Variants in SLC35F1 observed in about 807,000 individuals in gnomAD.
SLC35F1 encodes the protein chromosome 6 open reading frame 169.
SLC35F1 carries 14 observed loss-of-function variants against 48.7 expected under a neutral mutation model. The observed-to-expected ratio is 0.29, with a 90% CI of 0.19 to 0.45. The LOEUF (loss-of-function observed/expected upper bound fraction) is 0.45, where lower values mean the gene tolerates loss of function less well. SLC35F1 is among the 20% of genes least tolerant of loss of function. The pLI, the probability that SLC35F1 is intolerant of heterozygous loss-of-function variation, is 1.00. For missense variants in SLC35F1, 404 were observed against 500.0 expected, an observed-to-expected ratio of 0.81 and a Z score of 1.83; for synonymous variants, 190 against 202.2, an observed-to-expected ratio of 0.94 and a Z score of 0.51.
chr6:118,180,468 T>C (rs1370423730), intron 2 of SLC35F1, among the ~76,000 whole-genome samples: 1 of 152,070 alleles, frequency 6.6e-6, no homozygotes, highest in African/African-American at 2.4e-5. Flanking sequence ...CAGTTTTCAT[T>C]GTATGACACG....
At chr6:117,938,435 C>T (rs1033692906) in intron 1 of SLC35F1, among the ~76,000 whole-genome samples, 4 of 152,234 alleles carry the variant, frequency 2.6e-5, no homozygotes, top group African/African-American at 7.2e-5. Flanking sequence ...GGCAAACTTT[C>T]AGGAGTTGCC....
intron 1 of SLC35F1, among the ~76,000 whole-genome samples, chr6:117,914,895 G>T (rs553979539): frequency 3.5e-4 from 53 of 151,848 alleles, no homozygotes; most frequent in African/African-American, 1.2e-3. Context: ...TTCACTTAGG[G>T]CTTAAAAAAT....
chr6:118,273,135 T>C (rs1214667098), intron 4 of SLC35F1, among the ~76,000 whole-genome samples: 1 of 152,134 alleles, frequency 6.6e-6, no homozygotes, highest in Non-Finnish European at 1.5e-5. Flanking sequence ...CACAAAATTG[T>C]GTTGTGATGA....
At chr6:118,007,207 C>T (rs1417468765) in intron 1 of SLC35F1, among the ~76,000 whole-genome samples, 11 of 152,086 alleles carry the variant, frequency 7.2e-5, no homozygotes, top group East Asian at 1.9e-4. Context: ...TCTCTACACA[C>T]GGTGGGGGAG....
At chr6:118,242,268 A>G (rs2114592759) in intron 3 of SLC35F1, among the ~76,000 whole-genome samples, 1 of 152,354 alleles carries the variant, frequency 6.6e-6, no homozygotes, top group South Asian at 2.1e-4. Context: ...GCAACCTAAA[A>G]GCCATGTAGT....
At chr6:117,983,649 A>G (rs887673034) in intron 1 of SLC35F1, among the ~76,000 whole-genome samples, 1 of 152,204 alleles carries the variant, frequency 6.6e-6, no homozygotes, top group Admixed American at 6.5e-5. Context: ...GATAGGAAAA[A>G]AAGTTTTTTC....
Position 117,922,852 on chromosome 6 carries a change from CAG to C in SLC35F1, c.173+14954_173+14955del, listed in dbSNP as rs138551106. 4.1e-3 allele frequency among the ~76,000 whole-genome samples: 624 copies of C among 152,294 alleles called. 3 individuals carry two copies. The highest frequency in any genetic ancestry group is 0.014 in the African/African-American group (588 of 41,554). On this transcript the variant is annotated intron_variant, in intron 1 of 7. Transcript: ENST00000360388. ...CCTAAGCATCTTCCTGTGTTACCAG[CAG>C]CCACTTTATGACCATGAAGTTGGGG...
At chr6:118,203,099 T>A (rs1244560539) in intron 2 of SLC35F1, among the ~76,000 whole-genome samples, 1 of 152,258 alleles carries the variant, frequency 6.6e-6, no homozygotes, top group Admixed American at 6.5e-5. Flanking sequence ...TCAGCTGCTC[T>A]CACACAGCAG....
intron 1 of SLC35F1, among the ~76,000 whole-genome samples, chr6:118,007,845 T>C (rs1396834927): frequency 2.6e-5 from 4 of 152,052 alleles, no homozygotes; most frequent in Non-Finnish European, 5.9e-5. Context: ...TGAGCTGCAG[T>C]TCTTGTCTGC....
chr6:117,926,154 G>A (rs1776024601), intron 1 of SLC35F1, among the ~76,000 whole-genome samples: 1 of 152,070 alleles, frequency 6.6e-6, no homozygotes, highest in African/African-American at 2.4e-5. Flanking sequence ...ACTTGTCAAG[G>A]GTGGGACCAG....
chr6:118,143,657 T>C (rs1773925635), intron 1 of SLC35F1, among the ~76,000 whole-genome samples: 1 of 152,228 alleles, frequency 6.6e-6, no homozygotes, highest in African/African-American at 2.4e-5. Context: ...AAATGTATCA[T>C]AATGCAATTT....
At chr6:117,977,173 T>C (rs12664850) in intron 1 of SLC35F1, among the ~76,000 whole-genome samples, 56,123 of 151,236 alleles carry the variant, frequency 0.37, 10,965 homozygotes, top group South Asian at 0.52. Flanking sequence ...TGAAAGAACA[T>C]GATTTTTCTT....
chr6:118,140,211 G>C (rs181703381), intron 1 of SLC35F1, among the ~76,000 whole-genome samples: 1 of 152,162 alleles, frequency 6.6e-6, no homozygotes, highest in African/African-American at 2.4e-5. Context: ...CCCAAATTTT[G>C]ACATAGGATA....
chr6:118,010,529 T>A (rs941570166), intron 1 of SLC35F1, among the ~76,000 whole-genome samples: 5 of 152,158 alleles, frequency 3.3e-5, no homozygotes, highest in African/African-American at 1.2e-4. Flanking sequence ...TTGACCCTTT[T>A]TAAGGCTATA....
intron 1 of SLC35F1, among the ~76,000 whole-genome samples, chr6:118,095,849 G>T (rs1234217379): frequency 6.6e-6 from 1 of 152,160 alleles, no homozygotes; most frequent in African/African-American, 2.4e-5. Flanking sequence ...AAGGCCAGGA[G>T]TGGTGGAAGG....
intron 1 of SLC35F1, among the ~76,000 whole-genome samples, chr6:117,968,141 G>A (rs1776594603): frequency 6.6e-6 from 1 of 152,022 alleles, no homozygotes; most frequent in Non-Finnish European, 1.5e-5. Context: ...AAATGCATTC[G>A]TGTTCAGACA....
chr6:118,145,942 A>T (rs1468724279), intron 1 of SLC35F1, among the ~76,000 whole-genome samples: 2 of 152,228 alleles, frequency 1.3e-5, no homozygotes, highest in African/African-American at 4.8e-5. Flanking sequence ...TACACAGGAA[A>T]AACAGGATGG....
chr6:118,117,869 C>A (rs930726272), intron 1 of SLC35F1, among the ~76,000 whole-genome samples: 2 of 152,150 alleles, frequency 1.3e-5, no homozygotes, highest in Non-Finnish European at 2.9e-5. Context: ...TTTCACTTAG[C>A]ATATTTTTTT....
Position 118,095,570 on chromosome 6 carries a change from C to T in SLC35F1, c.174-58875C>T, listed in dbSNP as rs144357804. Among the ~76,000 whole-genome samples the T allele has an allele frequency of 4.6e-3, 698 of 152,132 alleles. 5 individuals carry two copies. Among genetic ancestry groups the T allele is most frequent in the African/African-American group, 0.015 (639 of 41,490 alleles). On this transcript the variant is annotated intron_variant, in intron 1 of 7. Transcript: ENST00000360388. Reference sequence around the variant, plus strand: ...AGGAATCAGTTAATTTCTATAGGCCCGTGTACTGAAGAAATTAGGTACTCA... The same window carrying T: ...AGGAATCAGTTAATTTCTATAGGCCTGTGTACTGAAGAAATTAGGTACTCA...
Sources: gnomAD v4.1 joint callset for allele counts (sites outside exome capture counted in the v4.1 genomes callset) on GRCh38, gnomAD v4.1.1 for gene constraint, MANE v1.5 for transcripts, NCBI Gene and HGNC (gene_info 2026-07-23, HGNC 2026-07-21) for gene names.